The following RALGAPA1 variants were observed in gnomAD, a reference collection of about 807,000 sequenced individuals.
RALGAPA1 encodes the protein ral GTPase-activating protein subunit alpha-1.
Under a neutral mutation model 269.6 loss-of-function variants are expected in RALGAPA1, and 52 were observed. That is an observed-to-expected ratio of 0.19 (90% CI 0.15 to 0.24). The LOEUF (loss-of-function observed/expected upper bound fraction) is 0.24. Ranked by LOEUF, RALGAPA1 falls within the 10% of genes least tolerant of loss-of-function variation. The pLI, the probability that RALGAPA1 is intolerant of heterozygous loss-of-function variation, is 1.00. For missense variants in RALGAPA1, 1,917 were observed against 3,013.9 expected, an observed-to-expected ratio of 0.64 and a Z score of 8.52; for synonymous variants, 817 against 1,008.3, an observed-to-expected ratio of 0.81 and a Z score of 3.60.
chr14:35,806,144 C>T lies in RALGAPA1; in HGVS notation c.106+2586G>A, dbSNP rs146010041. On this transcript the variant is annotated intron_variant, in intron 1 of 41. Coordinates refer to ENST00000680220, the MANE Select transcript of RALGAPA1 (RefSeq NM_001346249.2). ...TGCAGTTTATTGTGTGCCAATTATA[C>T]CTCAATAAAGCTGTCAGAATTATTT... Among the ~76,000 whole-genome samples, 667 of 152,126 alleles carry T rather than the reference C, an allele frequency of 4.4e-3. 14 individuals carry two copies. The highest frequency in any genetic ancestry group is 0.035 in the Admixed American group (542 of 15,278).
chr14:35,732,604 T>C (rs2070607624), intron 12 of RALGAPA1, among the ~76,000 whole-genome samples: 1 of 152,206 alleles, frequency 6.6e-6, no homozygotes, highest in Non-Finnish European at 1.5e-5. Context: ...GTAGCAATTC[T>C]TGTATCAGAC....
At chr14:35,650,473 T>G (rs1253653059) in intron 31 of RALGAPA1, among the ~76,000 whole-genome samples, 1 of 152,098 alleles carries the variant, frequency 6.6e-6, no homozygotes, top group East Asian at 1.9e-4. Flanking sequence ...GATAAAGTAT[T>G]TATCAAGAGC....
intron 33 of RALGAPA1, among the ~76,000 whole-genome samples, chr14:35,628,210 GA>G (rs1204888464): frequency 6.6e-6 from 1 of 152,056 alleles, no homozygotes; most frequent in Non-Finnish European, 1.5e-5. Context: ...TCACTTTGAA[GA>G]ATCAGAAGTA....
chr14:35,789,993 C>T (rs1420010258), intron 1 of RALGAPA1, among the ~76,000 whole-genome samples: 1 of 152,144 alleles, frequency 6.6e-6, no homozygotes, highest in Non-Finnish European at 1.5e-5. Flanking sequence ...ATGGTTCATG[C>T]CTGTAATCCC....
intron 1 of RALGAPA1, among the ~76,000 whole-genome samples, chr14:35,801,235 A>G (rs1187719021): frequency 7.1e-6 from 1 of 140,830 alleles, no homozygotes; most frequent in African/African-American, 2.9e-5. Flanking sequence ...TGCTATATAT[A>G]TATACACAGA....
At chr14:35,758,131 A>C (rs1035962976) in intron 6 of RALGAPA1, among the ~76,000 whole-genome samples, 2 of 151,490 alleles carry the variant, frequency 1.3e-5, no homozygotes, top group Non-Finnish European at 2.9e-5. Context: ...ACACGCCTGT[A>C]ATCTCAGCTA....
At chr14:35,803,349 CAT>C (rs1238852243) in intron 1 of RALGAPA1, among the ~76,000 whole-genome samples, 1 of 151,852 alleles carries the variant, frequency 6.6e-6, no homozygotes, top group Non-Finnish European at 1.5e-5. Context: ...TCAGATGAAT[CAT>C]AGAGGAAAAT....
chr14:35,607,732 G>A (rs900974536), intron 35 of RALGAPA1, among the ~76,000 whole-genome samples: 59 of 152,318 alleles, frequency 3.9e-4, no homozygotes, highest in African/African-American at 1.4e-3. Flanking sequence ...TGCCTGAAAG[G>A]GCTGACATTA....
chr14:35,610,400 A>C (rs2059855626), intron 35 of RALGAPA1, among the ~76,000 whole-genome samples: 1 of 151,328 alleles, frequency 6.6e-6, no homozygotes, highest in Non-Finnish European at 1.5e-5. Context: ...CTCCTGCCTC[A>C]GTCTCCCAAG....
At chr14:35,599,700 C>T (rs577293871) in intron 36 of RALGAPA1, among the ~76,000 whole-genome samples, 2 of 152,126 alleles carry the variant, frequency 1.3e-5, no homozygotes, top group Admixed American at 6.5e-5. Flanking sequence ...TGCAATGAGC[C>T]GAGATCATGC....
At chr14:35,578,347 G>A (rs1377388435) in intron 37 of RALGAPA1, among the ~76,000 whole-genome samples, 1 of 151,992 alleles carries the variant, frequency 6.6e-6, no homozygotes, top group Non-Finnish European at 1.5e-5. Flanking sequence ...ATTACTTCAG[G>A]AGATAGGGGT....
intron 1 of RALGAPA1, among the ~76,000 whole-genome samples, chr14:35,805,181 T>C (rs568741397): frequency 6.6e-6 from 1 of 151,338 alleles, no homozygotes; most frequent in African/African-American, 2.4e-5. Flanking sequence ...CCCAGCACTT[T>C]AGGAGGCTGA....
chr14:35,704,245 G>A (rs1049301005), intron 16 of RALGAPA1, among the ~76,000 whole-genome samples: 1 of 152,062 alleles, frequency 6.6e-6, no homozygotes, highest in Non-Finnish European at 1.5e-5. Context: ...ATAAATGCAA[G>A]CAAGTTACAC....
At chr14:35,617,090 G>A (rs2060298702) in intron 35 of RALGAPA1, among the ~76,000 whole-genome samples, 2 of 152,312 alleles carry the variant, frequency 1.3e-5, no homozygotes, top group Non-Finnish European at 1.5e-5. Context: ...CATATGGAAG[G>A]AGATTCAAAC....
chr14:35,764,397 C>CAT (rs202163010), intron 4 of RALGAPA1, among the ~76,000 whole-genome samples: 16 of 151,252 alleles, frequency 1.1e-4, no homozygotes, highest in South Asian at 2.1e-4. Context: ...TCTTTATATA[C>CAT]ATATATATAT....
At chr14:35,660,412 C>T (rs2063462310) in intron 27 of RALGAPA1, among the ~76,000 whole-genome samples, 1 of 151,764 alleles carries the variant, frequency 6.6e-6, no homozygotes, top group African/African-American at 2.4e-5. Flanking sequence ...ACAATAGCAT[C>T]GAAAACATCA....
At position 35,642,396 on chromosome 14, in the gene RALGAPA1, A is replaced by T. The variant is rs577179731; in HGVS notation, c.5677-6798T>A. Among the ~76,000 whole-genome samples, 19 of 152,330 alleles carry T rather than the reference A, an allele frequency of 1.2e-4. 1 individual carries two copies. The highest frequency in any genetic ancestry group is 3.4e-3 in the Middle Eastern group (1 of 294). ...CAAGGAACTCAAACAACACTACAGA[A>T]AAAATTCTAACAATTTGATTTAAAA... is the stretch of plus-strand genomic sequence containing the variant. On this transcript the variant is annotated intron_variant, in intron 31 of 41. Transcript: ENST00000680220.
At chr14:35,605,145 CT>C (rs1358986963) in intron 36 of RALGAPA1, among the ~76,000 whole-genome samples, 1 of 152,094 alleles carries the variant, frequency 6.6e-6, no homozygotes, top group Non-Finnish European at 1.5e-5. Flanking sequence ...GTATGCTTTT[CT>C]TTTACAAAGT....
chr14:35,772,990 T>C (rs12589884), intron 3 of RALGAPA1, among the ~76,000 whole-genome samples: 3,363 of 152,280 alleles, frequency 0.022, 125 homozygotes, highest in South Asian at 0.14. Flanking sequence ...ATAAACTCTT[T>C]TACCTTTGTC....
Sources: allele counts gnomAD v4.1 joint callset (sites outside exome capture counted in the v4.1 genomes callset), GRCh38; gene constraint gnomAD v4.1.1; transcripts MANE v1.5; gene names NCBI Gene and HGNC (gene_info 2026-07-23, HGNC 2026-07-21).